GPC5: variants seen among roughly 807,000 people sequenced by gnomAD.
GPC5 encodes the protein glypican 5, also known as glypican-5.
GPC5 carries 47 observed loss-of-function variants against 53.9 expected under a neutral mutation model. That is an observed-to-expected ratio of 0.87 (90% CI 0.69 to 1.11). The LOEUF is 1.11. Ranked by LOEUF, GPC5 falls within the 50% of genes most tolerant of loss-of-function variation. The pLI, the probability that GPC5 is intolerant of heterozygous loss-of-function variation, is 0.00. For missense variants in GPC5, 748 were observed against 713.1 expected (o/e 1.05, Z -0.56); for synonymous variants, 286 against 263.3 (o/e 1.09, Z -0.84).
At chr13:92,094,815 C>CT (rs140257689) in intron 6 of GPC5, among the ~76,000 whole-genome samples, 2 of 151,554 alleles carry the variant, frequency 1.3e-5, no homozygotes, top group Admixed American at 6.6e-5. Flanking sequence ...TCACATATTG[C>CT]TTTTTTTGCC....
chr13:92,382,986 G>C (rs1230627666), intron 7 of GPC5, among the ~76,000 whole-genome samples: 1 of 124,268 alleles, frequency 8.0e-6, no homozygotes, highest in Non-Finnish European at 1.6e-5. Context: ...CTGGGCTACA[G>C]AGCAAGACTC....
chr13:92,681,727 T>G (rs1400473098), intron 7 of GPC5, among the ~76,000 whole-genome samples: 2 of 152,156 alleles, frequency 1.3e-5, no homozygotes, highest in African/African-American at 2.4e-5. Flanking sequence ...AACAACGTGG[T>G]TCTGCTTTCA....
intron 7 of GPC5, among the ~76,000 whole-genome samples, chr13:92,516,614 A>G (rs1880793589): frequency 6.6e-6 from 1 of 152,152 alleles, no homozygotes; most frequent in South Asian, 2.1e-4. Flanking sequence ...GCCCTTTTTC[A>G]GTTGCTGTAA....
chr13:92,398,973 C>T (rs1875428865), intron 7 of GPC5, among the ~76,000 whole-genome samples: 1 of 152,138 alleles, frequency 6.6e-6, no homozygotes, highest in Admixed American at 6.5e-5. Context: ...CTCTCATTTA[C>T]CTCTCCCATT....
chr13:92,274,208 G>A (rs958882587), intron 7 of GPC5, among the ~76,000 whole-genome samples: 4 of 152,094 alleles, frequency 2.6e-5, no homozygotes, highest in Non-Finnish European at 4.4e-5. Flanking sequence ...TATAGATACG[G>A]ATTACATGGC....
intron 2 of GPC5, among the ~76,000 whole-genome samples, chr13:91,525,675 A>G (rs536436752): frequency 1.3e-5 from 2 of 152,246 alleles, no homozygotes; most frequent in South Asian, 2.1e-4. Flanking sequence ...TTCAGTTGGT[A>G]TTGTCTCAAT....
intron 6 of GPC5, among the ~76,000 whole-genome samples, chr13:91,971,501 G>C (rs1420431694): frequency 2.0e-5 from 3 of 151,810 alleles, no homozygotes; most frequent in Admixed American, 6.6e-5. Context: ...TTCTTGCTTT[G>C]TGCTAGCTTT....
intron 7 of GPC5, among the ~76,000 whole-genome samples, chr13:92,320,251 C>T (rs1348646987): frequency 6.6e-6 from 1 of 152,074 alleles, no homozygotes; most frequent in African/African-American, 2.4e-5. Flanking sequence ...TTGCATTGAA[C>T]AATCTAGGAA....
At chr13:92,470,758 A>G (rs189747183) in intron 7 of GPC5, among the ~76,000 whole-genome samples, 5 of 152,280 alleles carry the variant, frequency 3.3e-5, no homozygotes, top group African/African-American at 7.2e-5. Context: ...AACCTTCACA[A>G]TGACTCAAGG....
chr13:92,496,394 A>G (rs1305543055), intron 7 of GPC5, among the ~76,000 whole-genome samples: 1 of 152,222 alleles, frequency 6.6e-6, no homozygotes, highest in Non-Finnish European at 1.5e-5. Context: ...AGATAAAACA[A>G]ATTGAAAAGA....
At chr13:92,556,340 T>G (rs9523716) in intron 7 of GPC5, among the ~76,000 whole-genome samples, 40,358 of 151,746 alleles carry the variant, frequency 0.27, 5,608 homozygotes, top group African/African-American at 0.3. Context: ...TTATTAATAG[T>G]TCAGGTATCT....
intron 7 of GPC5, among the ~76,000 whole-genome samples, chr13:92,600,583 C>T (rs1475298778): frequency 2.6e-5 from 4 of 151,824 alleles, no homozygotes; most frequent in East Asian, 1.9e-4. Context: ...CTGCAACCAC[C>T]GTCTCCCAGG....
intron 7 of GPC5, among the ~76,000 whole-genome samples, chr13:92,587,548 T>G (rs564152897): frequency 1.4e-5 from 2 of 142,998 alleles, no homozygotes; most frequent in East Asian, 4.0e-4. Flanking sequence ...GGGAAAAATC[T>G]TATTGTACAT....
At chr13:92,494,321 C>T (rs1368421278) in intron 7 of GPC5, among the ~76,000 whole-genome samples, 1 of 152,134 alleles carries the variant, frequency 6.6e-6, no homozygotes, top group Middle Eastern at 3.2e-3. Flanking sequence ...GATCTCCTGA[C>T]CTCGTGATCC....
At chr13:91,782,639 C>A (rs530080620) in intron 5 of GPC5, among the ~76,000 whole-genome samples, 1 of 152,230 alleles carries the variant, frequency 6.6e-6, no homozygotes, top group South Asian at 2.1e-4. Flanking sequence ...GGACACAGAG[C>A]CAAACCAAAT....
chr13:92,543,357 C>G (rs1594291071), intron 7 of GPC5, among the ~76,000 whole-genome samples: 2 of 151,942 alleles, frequency 1.3e-5, no homozygotes, highest in East Asian at 3.9e-4. Context: ...AATTGTTTAT[C>G]TGATTTTGTT....
chr13:92,234,561 C>G (rs1342826999), intron 7 of GPC5, among the ~76,000 whole-genome samples: 1 of 151,406 alleles, frequency 6.6e-6, no homozygotes, highest in African/African-American at 2.4e-5. Flanking sequence ...AAATGAAAGA[C>G]AAAAGGGTTT....
chr13:92,573,822 T>C (rs1183051663), intron 7 of GPC5, among the ~76,000 whole-genome samples: 1 of 152,178 alleles, frequency 6.6e-6, no homozygotes, highest in Non-Finnish European at 1.5e-5. Context: ...ATTCCAGTTG[T>C]CATCAGCAGC....
At chr13:92,625,851 G>A (rs1885030138) in intron 7 of GPC5, among the ~76,000 whole-genome samples, 1 of 152,170 alleles carries the variant, frequency 6.6e-6, no homozygotes, top group Non-Finnish European at 1.5e-5. Context: ...AGACTCAAAG[G>A]TGATGTCACC....
Sources: allele counts gnomAD v4.1 joint callset (sites outside exome capture counted in the v4.1 genomes callset), GRCh38; gene constraint gnomAD v4.1.1; transcripts MANE v1.5; gene names NCBI Gene and HGNC (gene_info 2026-07-23, HGNC 2026-07-21).